RAB33A: variants seen among roughly 807,000 people sequenced by gnomAD.
The protein encoded by RAB33A is RAB33A, member RAS oncogene family.
A neutral mutation model predicts 12.0 loss-of-function variants in RAB33A; 6 were observed. The observed-to-expected ratio is 0.50, with a 90% CI of 0.27 to 0.99. The LOEUF is 0.99. Ranked by LOEUF, RAB33A falls within the 50% of genes least tolerant of loss-of-function variation. The pLI is 0.11. For missense variants in RAB33A, 109 were observed against 192.0 expected (o/e 0.57, Z 2.55); for synonymous variants, 70 against 82.4 (o/e 0.85, Z 0.81).
chrX:130,171,090 C>A (rs755187383), upstream of RAB33A, among the ~76,000 whole-genome samples: 16 of 113,186 alleles, frequency 1.4e-4, no homozygotes, highest in African/African-American at 4.8e-4. Context: ...GATGTTGGCG[C>A]CTGGTACGCG....
chrX:130,120,635 G>A, the RAB33A span, among the ~76,000 whole-genome samples: 2 of 112,474 alleles, frequency 1.8e-5, no homozygotes, highest in African/African-American at 6.4e-5. Context: ...GCAGAAGCGC[G>A]CAGGAACCAG....
the RAB33A span, among the ~76,000 whole-genome samples, chrX:130,161,979 G>C: frequency 1.8e-5 from 2 of 111,885 alleles, no homozygotes; most frequent in African/African-American, 6.5e-5. Context: ...AATAACTATA[G>C]TACAGCGTGA....
In RAB33A at chrX:130,172,314, G is replaced by T; in HGVS notation, c.252G>T (p.Lys84Asn). The change falls in exon 1 of 2, where the codon AAG becomes AAT. Residue 84 changes from lysine to asparagine, a missense_variant. Lys to Asn is a moderately conservative substitution (Grantham distance 94). Transcript: ENST00000257017. ...AGACCGTGGAAATCGAGGGCGAGAAGATCAAGGTGATCCAGGGGGTCAGGT... is the reference window on the plus strand; with the variant it reads ...AGACCGTGGAAATCGAGGGCGAGAATATCAAGGTGATCCAGGGGGTCAGGT... ...REKTVEIEGE[K>N]IKVQVWDTAG... 8.3e-7 allele frequency: 1 copy of T among 1,200,553 alleles called. No homozygotes were observed. Among genetic ancestry groups the T allele is most frequent in the Non-Finnish European group, 1.1e-6 (1 of 889,043 alleles).
chrX:130,118,603 G>A, the RAB33A span, among the ~76,000 whole-genome samples: 1 of 112,389 alleles, frequency 8.9e-6, no homozygotes, highest in African/African-American at 3.2e-5. Flanking sequence ...GTCACTTCAC[G>A]GAATGTCTAG....
At chrX:130,160,739 C>A in the RAB33A span, among the ~76,000 whole-genome samples, 583 of 111,027 alleles carry the variant, frequency 5.3e-3, 2 homozygotes, top group African/African-American at 0.018. Context: ...TTAAATAATT[C>A]TTTGCAAAGA....
the RAB33A span, chrX:130,137,466 G>A: frequency 8.6e-7 from 1 of 1,167,591 alleles, no homozygotes; most frequent in Non-Finnish European, 1.1e-6. Context: ...GCTTACATAA[G>A]TGCTTTGCAA....
At chrX:130,144,459 C>T in the RAB33A span, among the ~76,000 whole-genome samples, 1 of 112,171 alleles carries the variant, frequency 8.9e-6, no homozygotes, top group Non-Finnish European at 1.9e-5. Flanking sequence ...ACTGCTCTAT[C>T]AGTATCGAGC....
At chrX:130,124,641 C>T in the RAB33A span, among the ~76,000 whole-genome samples, 1 of 112,463 alleles carries the variant, frequency 8.9e-6, no homozygotes, top group Non-Finnish European at 1.9e-5. Flanking sequence ...ATTGTCAACC[C>T]CTTCTGGTCA....
chrX:130,119,530 C>T, the RAB33A span, among the ~76,000 whole-genome samples: 152 of 110,994 alleles, frequency 1.4e-3, 1 homozygote, highest in Non-Finnish European at 2.5e-3. Context: ...GGCAGGGGGA[C>T]GTCAAGCTTT....
chrX:130,133,197 T>C, the RAB33A span: 3 of 991,917 alleles, frequency 3.0e-6, no homozygotes, highest in Non-Finnish European at 4.3e-6. Context: ...GATGGACTTT[T>C]TTCCCTTCTG....
chrX:130,171,816 T>G, upstream of RAB33A: 1 of 390,431 alleles, frequency 2.6e-6, no homozygotes, highest in Non-Finnish European at 4.4e-6. Context: ...TCCCTGGCTT[T>G]TGTGTTGGTG....
the RAB33A span, among the ~76,000 whole-genome samples, chrX:130,111,990 G>A: frequency 2.7e-5 from 3 of 111,808 alleles, no homozygotes; most frequent in East Asian, 8.5e-4. Flanking sequence ...AGCCCCAGGG[G>A]ATGGGGCCTT....
In RAB33A at chrX:130,184,361, C is replaced by T. The variant is rs1420999755; in HGVS notation, c.335C>T (p.Ala112Val). The change falls in exon 2 of 2, where the codon GCC becomes GTC. Residue 112 changes from alanine (A) to valine (V), a missense_variant. Physicochemically the swap from Ala to Val is moderately conservative, Grantham distance 64. Transcript: ENST00000257017. ...MVEHYYRNVH[A>V]VVFVYDVTKM... ...GAGCATTACTACCGCAACGTACATG[C>T]CGTGGTCTTCGTCTATGACGTCACC... is the stretch of plus-strand genomic sequence containing the variant. The T allele has an allele frequency of 8.3e-7, 1 of 1,211,881 alleles. No individual in the cohort carries two copies. The highest frequency in any genetic ancestry group is 1.1e-6 in the Non-Finnish European group (1 of 895,460).
At chrX:130,183,744 T>TA (rs1162468795) in intron 1 of RAB33A, among the ~76,000 whole-genome samples, 1 of 111,880 alleles carries the variant, frequency 8.9e-6, no homozygotes, top group Non-Finnish European at 1.9e-5. Flanking sequence ...GTTTTTCAAC[T>TA]AAAAATCTTA....
At chrX:130,132,245 T>G in the RAB33A span, among the ~76,000 whole-genome samples, 1 of 112,270 alleles carries the variant, frequency 8.9e-6, no homozygotes, top group Non-Finnish European at 1.9e-5. Flanking sequence ...CTGCTGTTGC[T>G]AGAGCATCTA....
the RAB33A span, among the ~76,000 whole-genome samples, chrX:130,153,302 G>A: frequency 4.1e-5 from 4 of 98,190 alleles, no homozygotes; most frequent in South Asian, 5.3e-4. Flanking sequence ...TCAGTTAGCC[G>A]AGATCGCGCC....
chrX:130,111,426 G>A, the RAB33A span, among the ~76,000 whole-genome samples: 1 of 113,031 alleles, frequency 8.8e-6, no homozygotes, highest in Admixed American at 9.2e-5. Flanking sequence ...TTGAGCTCCT[G>A]GGGTGTGCAG....
chrX:130,152,675 G>A, the RAB33A span, among the ~76,000 whole-genome samples: 2,148 of 112,045 alleles, frequency 0.019, 16 homozygotes, highest in Middle Eastern at 0.06. Context: ...ACAAAAAATA[G>A]AGGACTGAGA....
the RAB33A span, chrX:130,147,755 G>A: frequency 8.3e-7 from 1 of 1,211,773 alleles, no homozygotes; most frequent in Non-Finnish European, 1.1e-6. Context: ...ACCTTACCCT[G>A]GCCCCAGGAT....
Sources: allele counts gnomAD v4.1 joint callset (sites outside exome capture counted in the v4.1 genomes callset), GRCh38; gene constraint gnomAD v4.1.1; transcripts MANE v1.5; gene names NCBI Gene and HGNC (gene_info 2026-07-23, HGNC 2026-07-21).